Variants in SIRPB1 observed in about 807,000 individuals in gnomAD.
The protein encoded by SIRPB1 is signal-regulatory protein beta-1.
In SIRPB1, 28 loss-of-function variants were observed where a neutral mutation model predicts 34.1. The observed-to-expected ratio is 0.82, with a 90% CI of 0.61 to 1.12. The LOEUF (loss-of-function observed/expected upper bound fraction) is 1.12, where lower values mean the gene tolerates loss of function less well. Among genes scored for constraint, SIRPB1 ranks in the 50% most tolerant of loss-of-function variants. SIRPB1 has a pLI of 0.00. For synonymous variants in SIRPB1, 211 were observed against 203.8 expected, an observed-to-expected ratio of 1.04 and a Z score of -0.30; for missense variants, 499 against 507.0, an observed-to-expected ratio of 0.98 and a Z score of 0.15.
At position 1,563,115 on chromosome 20, in the gene SIRPB1, T is replaced by G. The variant is rs1457076074; in HGVS notation, c.*2385A>C. On this transcript the variant is annotated 3_prime_UTR_variant, in exon 6 of 6. Transcript: ENST00000381605. The stretch of plus-strand genomic sequence containing the variant: ...ACATGAAAGGATCTTCTGGAGTGAT[T>G]CCACAATATTGAAAATTCAAGGGAT... Among the ~76,000 whole-genome samples, 2 of 152,170 alleles carry G rather than the reference T, an allele frequency of 1.3e-5. No individual in the cohort carries two copies. Among genetic ancestry groups the G allele is most frequent in the African/African-American group, 4.8e-5 (2 of 41,436 alleles).
rs1162833015 is a variant in SIRPB1, at chr20:1,612,596, G to A, written c.76+7273C>T. Among the ~76,000 whole-genome samples, 2 of 72,240 alleles carry A rather than the reference G, an allele frequency of 2.8e-5. 1 individual carries two copies. The highest frequency in any genetic ancestry group is 1.8e-4 in the African/African-American group (2 of 11,348). 47.4% of individuals were successfully genotyped at this position (72,240 alleles called of 152,430 possible). ...ATGGGGCCTGCTCCATTGCCTGGAT[G>A]CGTGAATGACCGTTGCATGCAGAAC... is the stretch of plus-strand genomic sequence containing the variant. On this transcript the variant is annotated intron_variant, in intron 1 of 5. Coordinates refer to ENST00000381605, the MANE Select transcript of SIRPB1 (RefSeq NM_006065.5).
chr20:1,598,193 A>T lies in SIRPB1; in HGVS notation c.77-19499T>A. On this transcript the variant is annotated intron_variant, in intron 1 of 5. Transcript: ENST00000381605. ...GGGAGGAGGGAAGGAGCTGTGGGTA[A>T]CATGTCCATATTTAATCATCTGCTC... 5.4e-6 allele frequency: 2 copies of T among 371,326 alleles called. 1 individual carries two copies. Among genetic ancestry groups the T allele is most frequent in the Non-Finnish European group, 6.2e-6 (2 of 324,964 alleles). 23.0% of individuals were successfully genotyped at this position (371,326 alleles called of 1,614,324 possible).
chr20:1,603,165 C>T (rs186442557), intron 1 of SIRPB1: 1 of 165,066 alleles, frequency 6.1e-6, no homozygotes, highest in Admixed American at 4.2e-5. Context: ...TCCCCCATTG[C>T]TTCCCAAGTC....
chr20:1,562,769 A>T lies in SIRPB1; in HGVS notation c.*2731T>A, dbSNP rs2091091028. On this transcript the variant is annotated 3_prime_UTR_variant, in exon 6 of 6. Transcript: ENST00000381605. ...CTCCTACTCAAACAGCAAATCCTAT[A>T]GTTGGGTTGCCTCCTTGCCTCCCAG... Among the ~76,000 whole-genome samples the T allele has an allele frequency of 6.6e-6, 1 of 152,230 alleles. No individual in the cohort carries two copies. Among genetic ancestry groups the T allele is most frequent in the African/African-American group, 2.4e-5 (1 of 41,460 alleles).
At chr20:1,565,732 T>C (rs76482364) in intron 5 of SIRPB1, among the ~76,000 whole-genome samples, 2,176 of 150,214 alleles carry the variant, frequency 0.014, 31 homozygotes, top group Middle Eastern at 0.028. Context: ...ACACAGAAGG[T>C]CAGAGCAGGA....
In SIRPB1 at chr20:1,610,494, G is replaced by A. The variant is rs1288988515; in HGVS notation, c.76+9375C>T. Among the ~76,000 whole-genome samples the A allele has an allele frequency of 2.8e-5, 2 of 72,340 alleles. 1 individual carries two copies. Among genetic ancestry groups the A allele is most frequent in the African/African-American group, 1.8e-4 (2 of 11,350 alleles). 47.5% of individuals were successfully genotyped at this position (72,340 alleles called of 152,430 possible). ...CATTCCATAATTCAGGACTTAGGAC[G>A]AAGCTCTTGGGCCTCTGGGAGGAAA... On this transcript the variant is annotated intron_variant, in intron 1 of 5. Transcript: ENST00000381605.
In SIRPB1 at chr20:1,562,529, A is replaced by G. The variant is rs1326483824; in HGVS notation, c.*2971T>C. On this transcript the variant is annotated 3_prime_UTR_variant, in exon 6 of 6. Coordinates refer to ENST00000381605, the MANE Select transcript of SIRPB1 (RefSeq NM_006065.5). ...CTCACTTTGGTGATGACATGCATGCATTTCTCTTACCATAGTTTAGTTAAG... is the reference window on the plus strand; with the variant it reads ...CTCACTTTGGTGATGACATGCATGCGTTTCTCTTACCATAGTTTAGTTAAG... 6.6e-6 allele frequency among the ~76,000 whole-genome samples: 1 copy of G among 151,654 alleles called. No individual in the cohort carries two copies. The highest frequency in any genetic ancestry group is 1.9e-4 in the East Asian group (1 of 5,164).
intron 4 of SIRPB1, among the ~76,000 whole-genome samples, chr20:1,569,519 T>C (rs777246155): frequency 1.3e-4 from 20 of 152,204 alleles, no homozygotes; most frequent in Non-Finnish European, 2.9e-4. Flanking sequence ...TCCACACATC[T>C]CTGATGATTG....
In SIRPB1 at chr20:1,583,848, TTACTACTACTACTACTAC is replaced by T. The variant is rs60912313; in HGVS notation, c.77-5172_77-5155del. ...GTTGAAGACTGTAGTAAGGGAAGTCTTACTACTACTACTACTACTACTACTACTACTACTACTACTACT... is the reference window on the plus strand; with the variant it reads ...GTTGAAGACTGTAGTAAGGGAAGTCTTACTACTACTACTACTACTACTACT... On this transcript the variant is annotated intron_variant, in intron 1 of 5. Coordinates refer to ENST00000381605, the MANE Select transcript of SIRPB1 (RefSeq NM_006065.5). Among the ~76,000 whole-genome samples, 2 of 32,576 alleles carry T rather than the reference TTACTACTACTACTACTAC, an allele frequency of 6.1e-5. 1 individual carries two copies. The highest frequency in any genetic ancestry group is 4.1e-4 in the Admixed American group (2 of 4,906). The allele number at this position is 32,576 out of a possible 152,430, so 21.4% of individuals were successfully genotyped here.
intron 1 of SIRPB1, among the ~76,000 whole-genome samples, chr20:1,579,126 A>AT (rs1668945112): frequency 6.8e-6 from 1 of 146,966 alleles, no homozygotes; most frequent in East Asian, 1.9e-4. Context: ...CAATTTTTGT[A>AT]TTTTTTCTAG....
At chr20:1,617,693 A>G (rs2091649952) in intron 1 of SIRPB1, among the ~76,000 whole-genome samples, 1 of 152,234 alleles carries the variant, frequency 6.6e-6, no homozygotes. Flanking sequence ...AGATCTCACC[A>G]CAGAAATGAT....
rs1252662244 is a variant in SIRPB1, at chr20:1,578,057, G to A, written c.433+281C>T. 39 of 474,434 alleles carry A rather than the reference G, an allele frequency of 8.2e-5. 5 individuals carry two copies. Among genetic ancestry groups the A allele is most frequent in the Non-Finnish European group, 1.6e-5 (4 of 258,004 alleles). 29.4% of individuals were successfully genotyped at this position (474,434 alleles called of 1,614,324 possible). On this transcript the variant is annotated intron_variant, in intron 2 of 5. Coordinates refer to ENST00000381605, the MANE Select transcript of SIRPB1 (RefSeq NM_006065.5). The stretch of plus-strand genomic sequence containing the variant: ...ACTCAAATTGTGAGTTCCCTCATCT[G>A]TGGAACCAAAGGGCTGGGTCAGCTT...
rs763104548 is a variant in SIRPB1 at position 1,570,974 on chromosome 20, C to T, written c.915G>A (p.Lys305=). 1.2e-6 allele frequency: 2 copies of T among 1,614,174 alleles called. No individual in the cohort carries two copies. The highest frequency in any genetic ancestry group is 1.7e-6 in the Non-Finnish European group (2 of 1,180,036). ...TETASTLIEN[K]DGTYNWMSWL... ...AGCTCATCCAGTTGTAGGTGCCATCCTTGTTCTCTATGAGGGTCGAAGCTG... is the reference window on the plus strand; with the variant it reads ...AGCTCATCCAGTTGTAGGTGCCATCTTTGTTCTCTATGAGGGTCGAAGCTG... Residue 305 remains lysine (K), a synonymous_variant, in exon 4 of 6, where the codon AAG becomes AAA. Transcript: ENST00000381605.
In SIRPB1 at chr20:1,576,633, A is replaced by G. The variant is rs1378259987; in HGVS notation, c.433+1705T>C. 2.0e-5 allele frequency among the ~76,000 whole-genome samples: 3 copies of G among 148,488 alleles called. 1 individual carries two copies. Among genetic ancestry groups the G allele is most frequent in the Admixed American group, 6.7e-5 (1 of 15,006 alleles). ...AAAAATGTTTGAAGTGGGGCCAGGC[A>G]TGGTGGCTCACGCCTGTAATCCCAG... On this transcript the variant is annotated intron_variant, in intron 2 of 5. Coordinates refer to ENST00000381605, the MANE Select transcript of SIRPB1 (RefSeq NM_006065.5).
intron 1 of SIRPB1, among the ~76,000 whole-genome samples, chr20:1,614,534 G>A (rs1229619144): frequency 6.6e-6 from 1 of 151,792 alleles, no homozygotes; most frequent in African/African-American, 2.4e-5. Flanking sequence ...TCCCAGTAAA[G>A]GCACTTGCCC....
At chr20:1,586,509 G>T (rs1275795885) in intron 1 of SIRPB1, among the ~76,000 whole-genome samples, 1 of 48,798 alleles carries the variant, frequency 2.0e-5, no homozygotes, top group Non-Finnish European at 4.0e-5. Context: ...GGTTGTGGTT[G>T]GGTACAGGTC....
chr20:1,577,825 C>A lies in SIRPB1; in HGVS notation c.433+513G>T, dbSNP rs1192346865. ...TCCATGCCCTGGACGGATTTCTCCT[C>A]ATTAGAAGGGAAGAGAATGTAAGCT... On this transcript the variant is annotated intron_variant, in intron 2 of 5. Transcript: ENST00000381605. 4.8e-5 allele frequency among the ~76,000 whole-genome samples: 7 copies of A among 146,758 alleles called. 1 individual carries two copies. The highest frequency in any genetic ancestry group is 1.1e-4 in the Non-Finnish European group (7 of 65,790).
Position 1,563,687 on chromosome 20 carries a change from G to T in SIRPB1, c.*1813C>A, listed in dbSNP as rs192038092. 2 of 152,196 alleles carry T rather than the reference G, an allele frequency of 1.3e-5. No homozygotes were observed. The highest frequency in any genetic ancestry group is 2.9e-5 in the Non-Finnish European group (2 of 68,034). The allele number at this position is 152,196 out of a possible 1,614,324, so 9.4% of individuals were successfully genotyped here. A position where few individuals can be genotyped will look rare whatever the true frequency, so the allele number is the denominator to read the frequency against. ...GCCTCAGGAAACTTACAACCATGGT[G>T]GAAGGAGAAAAGGAAGCAGGCACCT... On this transcript the variant is annotated 3_prime_UTR_variant, in exon 6 of 6. Transcript: ENST00000381605.
In SIRPB1 at chr20:1,597,774, A is replaced by G. The variant is rs1052680697; in HGVS notation, c.77-19080T>C. ...ATTCAGGAGGCAATAGAGAATCTCA[A>G]CAAGGCTGGGTAATTGGGTAGGCAG... On this transcript the variant is annotated intron_variant, in intron 1 of 5. Transcript: ENST00000381605. 5.5e-6 allele frequency: 2 copies of G among 365,208 alleles called. 1 individual carries two copies. The highest frequency in any genetic ancestry group is 2.5e-4 in the Admixed American group (2 of 7,998). The allele number at this position is 365,208 out of a possible 1,614,324, so 22.6% of individuals were successfully genotyped here.
Sources: allele counts gnomAD v4.1 joint callset (sites outside exome capture counted in the v4.1 genomes callset), GRCh38; gene constraint gnomAD v4.1.1; transcripts MANE v1.5; gene names NCBI Gene and HGNC (gene_info 2026-07-23, HGNC 2026-07-21).